Variants in SLC8A1 observed in about 807,000 individuals in gnomAD.
SLC8A1 encodes the protein sodium/calcium exchanger 1.
SLC8A1 carries 18 observed loss-of-function variants against 68.3 expected under a neutral mutation model. That is an observed-to-expected ratio of 0.26 (90% CI 0.18 to 0.39). The LOEUF (loss-of-function observed/expected upper bound fraction) is 0.39, where lower values mean the gene tolerates loss of function less well. SLC8A1 is among the 10% of genes least tolerant of loss of function. The probability of loss-of-function intolerance (pLI) is 1.00; values close to 1 mark genes in which losing one functional copy is unlikely to be tolerated. For missense variants in SLC8A1, 985 were observed against 1,156.7 expected (o/e 0.85, Z 2.15); for synonymous variants, 475 against 415.5 (o/e 1.14, Z -1.74).
At chr2:40,175,413 T>C in intron 3 of SLC8A1, 132 bp from the exon 4 acceptor site, 1 of 795,414 alleles carries the variant, frequency 1.3e-6, no homozygotes, top group Middle Eastern at 2.3e-4. Flanking sequence ...TAAAAATGGG[T>C]ATACCCCAAA....
chr2:40,171,987 A>G (rs2047577662), intron 4 of SLC8A1, among the ~76,000 whole-genome samples: 1 of 152,168 alleles, frequency 6.6e-6, no homozygotes, highest in Admixed American at 6.5e-5. Flanking sequence ...GATTTTTTCA[A>G]TTTCCATATA....
intron 2 of SLC8A1, among the ~76,000 whole-genome samples, chr2:40,329,885 G>C (rs2076238424): frequency 6.6e-6 from 1 of 152,266 alleles, no homozygotes; most frequent in East Asian, 1.9e-4. Flanking sequence ...GGGAAAGAGA[G>C]GAAGGGAATT....
At chr2:40,318,322 T>C (rs1427631643) in intron 2 of SLC8A1, among the ~76,000 whole-genome samples, 1 of 151,992 alleles carries the variant, frequency 6.6e-6, no homozygotes, top group African/African-American at 2.4e-5. Context: ...CATCTGTCTT[T>C]TAAAAACCTC....
intron 2 of SLC8A1, among the ~76,000 whole-genome samples, chr2:40,261,726 G>A (rs2064729611): frequency 3.5e-5 from 2 of 56,752 alleles, no homozygotes; most frequent in South Asian, 1.9e-3. Flanking sequence ...AAATGTGCGA[G>A]TGGGTACTGC....
At chr2:40,436,033 G>C (rs1230524602) in intron 1 of SLC8A1, among the ~76,000 whole-genome samples, 1 of 150,424 alleles carries the variant, frequency 6.6e-6, no homozygotes, top group Non-Finnish European at 1.5e-5. Flanking sequence ...TCAGCCCTAA[G>C]TGCTGGGATT....
At chr2:40,493,683 C>G (rs540405727) in intron 1 of SLC8A1, among the ~76,000 whole-genome samples, 2 of 137,316 alleles carry the variant, frequency 1.5e-5, no homozygotes, top group South Asian at 4.6e-4. Flanking sequence ...ACGACAGAGT[C>G]TTGCTCTGTT....
intron 2 of SLC8A1, among the ~76,000 whole-genome samples, chr2:40,249,346 A>ACTT (rs2149015289): frequency 6.6e-6 from 1 of 152,296 alleles, no homozygotes; most frequent in East Asian, 1.9e-4. Flanking sequence ...TGGTTGCAAA[A>ACTT]CTTTTAAGTA....
At chr2:40,102,409 C>T (rs1481440859) in exon 8 of SLC8A1, 1 of 150,158 alleles carries the variant, frequency 6.7e-6, no homozygotes, top group African/African-American at 2.5e-5. Flanking sequence ...ATATCAAATG[C>T]AAGGACTTAT....
At chr2:40,395,502 T>C (rs922907412) in intron 2 of SLC8A1, among the ~76,000 whole-genome samples, 11 of 152,090 alleles carry the variant, frequency 7.2e-5, no homozygotes, top group African/African-American at 2.7e-4. Context: ...CTACCCTGCT[T>C]GTGGTGTTCC....
intron 1 of SLC8A1, among the ~76,000 whole-genome samples, chr2:40,469,407 C>G (rs571503604): frequency 1.1e-4 from 16 of 152,086 alleles, no homozygotes; most frequent in Non-Finnish European, 2.1e-4. Flanking sequence ...CTTGCTTTGC[C>G]TTCCATCATG....
intron 7 of SLC8A1, among the ~76,000 whole-genome samples, chr2:40,130,773 A>G (rs1238930068): frequency 6.6e-6 from 1 of 152,194 alleles, no homozygotes; most frequent in Non-Finnish European, 1.5e-5. Context: ...ATATGTATGC[A>G]CACTGTCACA....
At chr2:40,330,834 G>C (rs751466004) in intron 2 of SLC8A1, among the ~76,000 whole-genome samples, 1 of 152,144 alleles carries the variant, frequency 6.6e-6, no homozygotes, top group African/African-American at 2.4e-5. Flanking sequence ...CAAATGGCAA[G>C]ATTTACTGCC....
At chr2:40,459,158 A>G (rs1405658615) in intron 1 of SLC8A1, among the ~76,000 whole-genome samples, 1 of 152,192 alleles carries the variant, frequency 6.6e-6, no homozygotes, top group African/African-American at 2.4e-5. Flanking sequence ...ATGACAGGCA[A>G]CAAGCAAAAT....
At chr2:40,279,652 A>C (rs2067227952) in intron 2 of SLC8A1, among the ~76,000 whole-genome samples, 6 of 152,224 alleles carry the variant, frequency 3.9e-5, no homozygotes, top group Admixed American at 3.9e-4. Context: ...ATCTCTTCCC[A>C]AGTGTGCTCT....
At chr2:40,360,089 C>A (rs907362727) in intron 2 of SLC8A1, among the ~76,000 whole-genome samples, 32 of 152,146 alleles carry the variant, frequency 2.1e-4, no homozygotes, top group African/African-American at 7.5e-4. Flanking sequence ...ATCCCAAAAA[C>A]CTTACAAGGT....
At chr2:40,277,131 TG>T (rs2066806565) in intron 2 of SLC8A1, among the ~76,000 whole-genome samples, 1 of 152,286 alleles carries the variant, frequency 6.6e-6, no homozygotes, top group South Asian at 2.1e-4. Flanking sequence ...CCATAATATA[TG>T]GTTTATACTT....
chr2:40,291,519 A>G (rs1575118206), intron 2 of SLC8A1, among the ~76,000 whole-genome samples: 1 of 152,078 alleles, frequency 6.6e-6, no homozygotes, highest in East Asian at 1.9e-4. Flanking sequence ...CCATTTTTAG[A>G]TGAGTCACTA....
intron 2 of SLC8A1, among the ~76,000 whole-genome samples, chr2:40,183,621 A>G (rs1188153385): frequency 6.6e-6 from 1 of 152,208 alleles, no homozygotes; most frequent in East Asian, 1.9e-4. Flanking sequence ...CTGCATTTTA[A>G]CAAGATCCCC....
intron 2 of SLC8A1, among the ~76,000 whole-genome samples, chr2:40,262,103 C>T (rs764844551): frequency 9.2e-5 from 14 of 152,006 alleles, no homozygotes; most frequent in Non-Finnish European, 1.9e-4. Context: ...GCTGGGACTA[C>T]AGGCACGCGC....
Sources: allele counts gnomAD v4.1 joint callset (sites outside exome capture counted in the v4.1 genomes callset), GRCh38; gene constraint gnomAD v4.1.1; transcripts MANE v1.5; gene names NCBI Gene and HGNC (gene_info 2026-07-23, HGNC 2026-07-21).